IL31RA: variants seen among roughly 807,000 people sequenced by gnomAD.
IL31RA encodes the protein interleukin 31 receptor A, also known as interleukin-31 receptor subunit alpha.
IL31RA carries 66 observed loss-of-function variants against 83.7 expected under a neutral mutation model. That is an observed-to-expected ratio of 0.79 (90% CI 0.65 to 0.97). The LOEUF (loss-of-function observed/expected upper bound fraction) is 0.97. Among genes scored for constraint, IL31RA ranks in the 50% least tolerant of loss-of-function variants. The pLI is 0.00. For synonymous variants in IL31RA, 325 were observed against 329.0 expected (o/e 0.99, Z 0.13); for missense variants, 798 against 919.4 (o/e 0.87, Z 1.71).
upstream of IL31RA, among the ~76,000 whole-genome samples, chr5:55,847,272 TAAATAAATAAATAAAA>T (rs1377351332): frequency 7.2e-6 from 1 of 138,356 alleles, no homozygotes; most frequent in East Asian, 2.1e-4. Context: ...AATAAATAAA[TAAATAAATAAATAAAA>T]AGAAAAGAAA....
At chr5:55,872,051 T>C (rs1746540022) in intron 3 of IL31RA, among the ~76,000 whole-genome samples, 1 of 152,124 alleles carries the variant, frequency 6.6e-6, no homozygotes, top group Non-Finnish European at 1.5e-5. Flanking sequence ...GAGGTTTTCA[T>C]GGCTCCTAAA....
rs1750104407 is a variant in IL31RA at position 55,921,915 on chromosome 5, G to T, written c.*4795G>T. 6.6e-6 allele frequency among the ~76,000 whole-genome samples: 1 copy of T among 152,004 alleles called. No individual in the cohort carries two copies. The highest frequency in any genetic ancestry group is 1.9e-4 in the East Asian group (1 of 5,182). On this transcript the variant is annotated 3_prime_UTR_variant, in exon 15 of 15. Transcript: ENST00000652347. ...ATTTGGTTGACTATTTAAAATACTTGTTTTTGTAGGGCATCTGAAAAAGAA... is the reference window on the plus strand; with the variant it reads ...ATTTGGTTGACTATTTAAAATACTTTTTTTTGTAGGGCATCTGAAAAAGAA...
At chr5:55,859,476 A>G in intron 1 of IL31RA, 33 bp from the exon 2 acceptor site, 2 of 1,508,240 alleles carry the variant, frequency 1.3e-6, no homozygotes, top group Non-Finnish European at 1.8e-6. Flanking sequence ...AGAGATATGA[A>G]GCAAACCAAC....
chr5:55,858,380 A>C (rs144171945), intron 1 of IL31RA, among the ~76,000 whole-genome samples: 135 of 152,336 alleles, frequency 8.9e-4, no homozygotes, highest in African/African-American at 3.0e-3. Context: ...TAGACACAAA[A>C]AGAATGTTCT....
Position 55,917,346 on chromosome 5 carries a change from T to G in IL31RA, c.*226T>G. The G allele has an allele frequency of 1.5e-5, 21 of 1,405,752 alleles. No individual in the cohort carries two copies. Among genetic ancestry groups the G allele is most frequent in the Non-Finnish European group, 1.9e-5 (21 of 1,080,486 alleles). 87.1% of individuals were successfully genotyped at this position (1,405,752 alleles called of 1,614,324 possible). On this transcript the variant is annotated 3_prime_UTR_variant, in exon 15 of 15. Transcript: ENST00000652347. ...CGAGTTTTGTAAAGGAACAGCAGTC[T>G]CTTTTCGTTTGTTCAGATACCAAGC...
intron 11 of IL31RA, chr5:55,908,667 T>C: frequency 6.6e-7 from 1 of 1,518,370 alleles, no homozygotes; most frequent in Non-Finnish European, 8.8e-7. Context: ...TAATTTGTCC[T>C]GGTTAGGCCC....
At chr5:55,844,101 A>G in the IL31RA span, among the ~76,000 whole-genome samples, 1 of 152,148 alleles carries the variant, frequency 6.6e-6, no homozygotes, top group African/African-American at 2.4e-5. Flanking sequence ...AGAGGGGAAA[A>G]TAAACCACCT....
chr5:55,914,964 C>G, intron 14 of IL31RA, 36 bp downstream of exon 14: 1 of 1,477,356 alleles, frequency 6.8e-7, no homozygotes, highest in Non-Finnish European at 9.5e-7. Context: ...AAATCATTGC[C>G]GTGGGAGGTA....
chr5:55,872,171 C>T (rs1266732510), intron 3 of IL31RA, 99 bp from the exon 4 acceptor site: 1 of 899,516 alleles, frequency 1.1e-6, no homozygotes, highest in African/African-American at 1.7e-5. Context: ...TCAAGAAAAC[C>T]CAGAGAAAAA....
At chr5:55,840,162 G>A in the IL31RA span, 1 of 266,674 alleles carries the variant, frequency 3.7e-6, no homozygotes, top group Admixed American at 4.7e-5. Flanking sequence ...TGTTGCATCT[G>A]TGTGGTGGAA....
chr5:55,895,545 A>C (rs924046885), intron 6 of IL31RA, among the ~76,000 whole-genome samples: 1 of 152,250 alleles, frequency 6.6e-6, no homozygotes, highest in Non-Finnish European at 1.5e-5. Context: ...TACTGGAAAA[A>C]GGCATGTGTC....
At chr5:55,845,186 A>T in the IL31RA span, among the ~76,000 whole-genome samples, 1 of 152,184 alleles carries the variant, frequency 6.6e-6, no homozygotes, top group African/African-American at 2.4e-5. Context: ...TTGAAAGGTG[A>T]ACATGATGTA....
chr5:55,908,819 C>G, intron 11 of IL31RA: 1 of 1,392,896 alleles, frequency 7.2e-7, no homozygotes, highest in Non-Finnish European at 9.3e-7. Flanking sequence ...TCCACCTTAT[C>G]TCCTGACATC....
At position 55,908,428 on chromosome 5, in the gene IL31RA, C is replaced by A; in HGVS notation, c.1501+17C>A. 5 of 1,614,144 alleles carry A rather than the reference C, an allele frequency of 3.1e-6. No individual in the cohort carries two copies. The highest frequency in any genetic ancestry group is 1.1e-5 in the South Asian group (1 of 91,082). ...AAGGATTCTGTAAGCACGCCCATAG[C>A]GAAGTGGAAAAAAACCCCAAGCCCC... On this transcript the variant is annotated intron_variant, in intron 11 of 14. Transcript: ENST00000652347.
chr5:55,881,989 A>G (rs923672075), intron 4 of IL31RA, among the ~76,000 whole-genome samples: 6 of 151,966 alleles, frequency 3.9e-5, no homozygotes, highest in African/African-American at 1.4e-4. Flanking sequence ...GGGATTACAG[A>G]TGTGAGCCAC....
upstream of IL31RA, among the ~76,000 whole-genome samples, chr5:55,849,119 C>T (rs920560506): frequency 1.3e-5 from 2 of 152,098 alleles, no homozygotes; most frequent in African/African-American, 4.8e-5. Context: ...ATTCAAGTGG[C>T]ACTCTAAGAC....
Position 55,877,925 on chromosome 5 carries a change from C to CCTCT in IL31RA, c.455-5112_455-5109dup, listed in dbSNP as rs545319608. On this transcript the variant is annotated intron_variant, in intron 4 of 14. Coordinates refer to ENST00000652347, the MANE Select transcript of IL31RA (RefSeq NM_139017.7). ...TCTTCAAATAATCTCTCCACCACTT[C>CCTCT]CTCTCTCTCTTCTCTTTCAGAAACT... Among the ~76,000 whole-genome samples, 619 of 152,220 alleles carry CCTCT rather than the reference C, an allele frequency of 4.1e-3. 7 individuals are homozygous for CCTCT. The highest frequency in any genetic ancestry group is 0.015 in the African/African-American group (608 of 41,544).
chr5:55,844,714 T>C, the IL31RA span, among the ~76,000 whole-genome samples: 1 of 151,530 alleles, frequency 6.6e-6, no homozygotes, highest in Non-Finnish European at 1.5e-5. Flanking sequence ...TGTTCTTTTT[T>C]CCTTCTTCCC....
intron 11 of IL31RA, chr5:55,908,700 C>T: frequency 6.8e-7 from 1 of 1,463,542 alleles, no homozygotes; most frequent in Non-Finnish European, 9.0e-7. Flanking sequence ...CCGGGAGCTC[C>T]CCGACCATCA....
Sources: allele counts gnomAD v4.1 joint callset (sites outside exome capture counted in the v4.1 genomes callset), GRCh38; gene constraint gnomAD v4.1.1; transcripts MANE v1.5; gene names NCBI Gene and HGNC (gene_info 2026-07-23, HGNC 2026-07-21).